HPSE2: variants seen among roughly 807,000 people sequenced by gnomAD.
HPSE2 encodes the protein inactive heparanase-2.
HPSE2 carries 38 observed loss-of-function variants against 60.5 expected under a neutral mutation model. The ratio of observed to expected loss-of-function variants is 0.63; its 90% CI spans 0.48 to 0.82. HPSE2 has a LOEUF of 0.82. Ranked by LOEUF, HPSE2 falls within the 40% of genes least tolerant of loss-of-function variation. HPSE2 has a pLI of 0.00. For synonymous variants in HPSE2, 295 were observed against 293.2 expected (o/e 1.01, Z -0.06); for missense variants, 713 against 740.4 (o/e 0.96, Z 0.43).
chr10:98,572,025 C>G (rs753799774), intron 9 of HPSE2, among the ~76,000 whole-genome samples: 1 of 150,304 alleles, frequency 6.7e-6, no homozygotes, highest in Non-Finnish European at 1.5e-5. Flanking sequence ...TGCAACCTCC[C>G]CGCCTCCTGG....
chr10:98,655,211 A>C (rs888977490), intron 6 of HPSE2, among the ~76,000 whole-genome samples: 2 of 151,412 alleles, frequency 1.3e-5, no homozygotes, highest in Admixed American at 1.3e-4. Context: ...CTCATCTGGG[A>C]TAAGGCTTGG....
chr10:98,762,861 C>G (rs1194413231), intron 3 of HPSE2, among the ~76,000 whole-genome samples: 6 of 152,054 alleles, frequency 3.9e-5, no homozygotes, highest in Non-Finnish European at 8.8e-5. Context: ...CAGCAGAGGA[C>G]AATCCTGAGA....
At chr10:98,898,843 C>G (rs1216314050) in intron 3 of HPSE2, among the ~76,000 whole-genome samples, 2 of 152,106 alleles carry the variant, frequency 1.3e-5, no homozygotes, top group Non-Finnish European at 2.9e-5. Context: ...ATAAACAAAA[C>G]TTATTTGGAA....
intron 3 of HPSE2, among the ~76,000 whole-genome samples, chr10:98,850,996 T>C (rs115965348): frequency 1.2e-3 from 180 of 152,260 alleles, no homozygotes; most frequent in African/African-American, 4.1e-3. Flanking sequence ...ACTCTAAAAC[T>C]TAGGATTTAC....
chr10:98,571,880 T>C (rs750852227), intron 9 of HPSE2, among the ~76,000 whole-genome samples: 4 of 152,188 alleles, frequency 2.6e-5, no homozygotes, highest in Non-Finnish European at 5.9e-5. Context: ...CAGATTTCTA[T>C]CTATCTATTC....
intron 3 of HPSE2, among the ~76,000 whole-genome samples, chr10:99,098,685 T>C (rs577606364): frequency 2.0e-5 from 3 of 152,298 alleles, no homozygotes; most frequent in South Asian, 4.1e-4. Context: ...TTATTACACA[T>C]AGAAAATATG....
intron 3 of HPSE2, among the ~76,000 whole-genome samples, chr10:98,827,099 T>G (rs1951566492): frequency 6.6e-6 from 1 of 152,052 alleles, no homozygotes; most frequent in Admixed American, 6.5e-5. Flanking sequence ...TGCAATGAGC[T>G]AGGATTGTGT....
At chr10:98,652,903 C>T (rs541699359) in intron 6 of HPSE2, among the ~76,000 whole-genome samples, 25 of 152,160 alleles carry the variant, frequency 1.6e-4, no homozygotes, top group African/African-American at 5.8e-4. Context: ...GCTGGTTTTC[C>T]AATCATTAGT....
At chr10:98,727,247 G>GA (rs1589719311) in intron 4 of HPSE2, among the ~76,000 whole-genome samples, 1 of 152,014 alleles carries the variant, frequency 6.6e-6, no homozygotes, top group East Asian at 1.9e-4. Context: ...TATTATACAT[G>GA]AAAAAAATAG....
intron 11 of HPSE2, among the ~76,000 whole-genome samples, chr10:98,463,209 C>T (rs1392491154): frequency 2.0e-5 from 3 of 152,030 alleles, no homozygotes; most frequent in East Asian, 1.9e-4. Context: ...GTCACTGCAC[C>T]GCTTCAAACT....
chr10:98,919,866 A>G (rs371368524), intron 3 of HPSE2, among the ~76,000 whole-genome samples: 17 of 152,302 alleles, frequency 1.1e-4, no homozygotes, highest in African/African-American at 3.8e-4. Context: ...TTAGGAAAAA[A>G]ATATCACTGA....
chr10:99,184,817 TATAGAGAG>T (rs1273048573), intron 2 of HPSE2, among the ~76,000 whole-genome samples: 52 of 17,192 alleles, frequency 3.0e-3, no homozygotes, highest in African/African-American at 6.6e-3. Context: ...TATATATATA[TATAGAGAG>T]AGAGAGAGAG....
At chr10:98,537,698 G>T (rs1448208675) in intron 9 of HPSE2, among the ~76,000 whole-genome samples, 1 of 152,134 alleles carries the variant, frequency 6.6e-6, no homozygotes, top group Non-Finnish European at 1.5e-5. Context: ...GAAGGCACCC[G>T]TTACTTAGCA....
chr10:99,189,309 C>G (rs1234600544), intron 2 of HPSE2, among the ~76,000 whole-genome samples: 1 of 152,110 alleles, frequency 6.6e-6, no homozygotes, highest in African/African-American at 2.4e-5. Flanking sequence ...TTTATATAAA[C>G]AGGCCAAGAA....
intron 2 of HPSE2, among the ~76,000 whole-genome samples, chr10:99,177,122 C>T (rs1164362133): frequency 6.6e-6 from 1 of 151,784 alleles, no homozygotes; most frequent in Non-Finnish European, 1.5e-5. Flanking sequence ...CTGAAGGAAG[C>T]ACTAAATATG....
intron 3 of HPSE2, among the ~76,000 whole-genome samples, chr10:98,838,906 A>G (rs902321314): frequency 6.6e-6 from 1 of 152,178 alleles, no homozygotes; most frequent in African/African-American, 2.4e-5. Flanking sequence ...GCTCATCTGT[A>G]GATCCTGTGA....
intron 9 of HPSE2, among the ~76,000 whole-genome samples, chr10:98,500,273 C>T (rs1013146674): frequency 1.4e-4 from 21 of 152,072 alleles, no homozygotes; most frequent in Non-Finnish European, 2.9e-4. Flanking sequence ...ATATGACAGG[C>T]CATAAAATGA....
chr10:99,126,423 C>T lies in HPSE2; in HGVS notation c.610+17815G>A, dbSNP rs868849897. On this transcript the variant is annotated intron_variant, in intron 3 of 11. Transcript: ENST00000370552. The surrounding 1 kb of genome is among the most constrained non-coding windows in gnomAD (Gnocchi z 4.0). ...ATCCAAGCTTTATGGCCCCACCCAT[C>T]GCCTGGGAAACCAGAATAGTTACCC... Among the ~76,000 whole-genome samples the T allele has an allele frequency of 4.6e-5, 7 of 152,090 alleles. No individual in the cohort carries two copies. The East Asian group carries it at 7.7e-4, about 17-fold the overall frequency.
At chr10:99,161,154 G>C in intron 2 of HPSE2, among the ~76,000 whole-genome samples, 1 of 151,490 alleles carries the variant, frequency 6.6e-6, no homozygotes, top group East Asian at 1.9e-4. Flanking sequence ...CTAGGAGTTT[G>C]AGGCGATAGT....
Sources: allele counts gnomAD v4.1 joint callset (sites outside exome capture counted in the v4.1 genomes callset), GRCh38; gene constraint gnomAD v4.1.1; non-coding constraint Gnocchi (gnomAD v3.1); transcripts MANE v1.5; gene names NCBI Gene and HGNC (gene_info 2026-07-23, HGNC 2026-07-21).